PPL: variants seen among roughly 807,000 people sequenced by gnomAD.
PPL encodes the protein periplakin, also known as 190 kDa paraneoplastic pemphigus antigen.
PPL carries 198 observed loss-of-function variants against 194.4 expected under a neutral mutation model. The ratio of observed to expected loss-of-function variants is 1.02; its 90% confidence interval spans 0.91 to 1.15. The LOEUF is 1.15. PPL is among the 50% of genes most tolerant of loss of function. The pLI, the probability that PPL is intolerant of heterozygous loss-of-function variation, is 0.00. For synonymous variants in PPL, 1,220 were observed against 972.4 expected (o/e 1.25, Z -4.74); for missense variants, 2,885 against 2,294.8 (o/e 1.26, Z -5.25).
At chr16:4,903,642 C>T (rs933884342) in intron 3 of PPL, among the ~76,000 whole-genome samples, 4 of 151,960 alleles carry the variant, frequency 2.6e-5, no homozygotes, top group South Asian at 4.1e-4. Flanking sequence ...ATAGCTTGAA[C>T]TGGGGAGGCA....
At chr16:4,915,457 C>A (rs960967428) in intron 1 of PPL, among the ~76,000 whole-genome samples, 6 of 152,248 alleles carry the variant, frequency 3.9e-5, no homozygotes, top group African/African-American at 1.4e-4. Context: ...CAGACATATT[C>A]ACAGGCACCA....
chr16:4,891,073 C>G, intron 16 of PPL, 152 bp from the exon 17 acceptor site: 2 of 605,548 alleles, frequency 3.3e-6, no homozygotes, highest in Non-Finnish European at 2.8e-6. Context: ...ACATCCCAAA[C>G]CTGGGTCACT....
At chr16:4,913,508 G>C (rs1346752809) in intron 1 of PPL, among the ~76,000 whole-genome samples, 2 of 152,190 alleles carry the variant, frequency 1.3e-5, no homozygotes, top group African/African-American at 2.4e-5. Flanking sequence ...TGTGATTTTA[G>C]TTGTCAAGGA....
chr16:4,903,549 G>C (rs1260357698), intron 3 of PPL, among the ~76,000 whole-genome samples: 3 of 151,998 alleles, frequency 2.0e-5, no homozygotes, highest in Non-Finnish European at 4.4e-5. Flanking sequence ...GAGAAACCCT[G>C]TCTCTACTAA....
intron 16 of PPL, 38 bp from the exon 17 acceptor site, chr16:4,890,959 A>G (rs1327322988): frequency 4.1e-6 from 6 of 1,467,758 alleles, no homozygotes; most frequent in Non-Finnish European, 5.4e-6. Context: ...TGCTACGGCC[A>G]GAGCTCCCAG....
At chr16:4,892,987 C>A (rs370754120) in intron 14 of PPL, 5 of 500,252 alleles carry the variant, frequency 1.0e-5, no homozygotes, top group African/African-American at 5.9e-5. Context: ...ATCGACAAGC[C>A]GTGCAGGAAC....
chr16:4,896,776 C>A (rs1372737689), intron 9 of PPL, among the ~76,000 whole-genome samples: 1 of 151,540 alleles, frequency 6.6e-6, no homozygotes, highest in Admixed American at 6.6e-5. Context: ...TCTGGGACTA[C>A]AGATATGGGC....
intron 16 of PPL, among the ~76,000 whole-genome samples, chr16:4,891,288 G>C (rs1334149635): frequency 6.6e-6 from 1 of 152,126 alleles, no homozygotes; most frequent in African/African-American, 2.4e-5. Flanking sequence ...CAGGCAGTGT[G>C]GGAAGGGGGC....
intron 1 of PPL, among the ~76,000 whole-genome samples, chr16:4,913,350 C>G (rs1374758859): frequency 1.3e-5 from 2 of 152,174 alleles, no homozygotes; most frequent in Non-Finnish European, 2.9e-5. Context: ...GCTCCCTTGC[C>G]TATCTGTGCC....
intron 2 of PPL, among the ~76,000 whole-genome samples, chr16:4,908,939 C>A (rs1479973326): frequency 6.6e-6 from 1 of 152,206 alleles, no homozygotes; most frequent in East Asian, 1.9e-4. Context: ...AGACACACCC[C>A]CAAAAGATGT....
Position 4,903,926 on chromosome 16 carries a change from T to G in PPL, c.277A>C (p.Lys93Gln). The G allele has an allele frequency of 6.2e-7, 1 of 1,614,052 alleles. No homozygotes were observed. The highest frequency in any genetic ancestry group is 8.5e-7 in the Non-Finnish European group (1 of 1,180,028). Residue 93 changes from lysine (K) to glutamine (Q), a missense_variant, in exon 3 of 22, where the codon AAG (lysine) becomes CAG (glutamine). Coordinates refer to ENST00000345988, the MANE Select transcript of PPL (RefSeq NM_002705.5). Reference sequence around the variant, plus strand: ...TCCCCCTGTGGGTGCTTCATGTGCTTGGCAATGGCCGCATCCGCCTCTAGC... The same window carrying G: ...TCCCCCTGTGGGTGCTTCATGTGCTGGGCAATGGCCGCATCCGCCTCTAGC... Reference protein sequence around the residue: ...YVLEADAAIAKHMKHPQGDMI... With the variant: ...YVLEADAAIAQHMKHPQGDMI...
Position 4,883,897 on chromosome 16 carries a change from G to A in PPL, c.4758C>T (p.Ile1586=), listed in dbSNP as rs1320119435. The A allele has an allele frequency of 6.2e-7, 1 of 1,613,976 alleles. No homozygotes were observed. The highest frequency in any genetic ancestry group is 2.2e-5 in the East Asian group (1 of 44,882). The stretch of plus-strand genomic sequence containing the variant: ...CTCGTGTTTCCGTCGCTGCCATGTT[G>A]ATTTCCGATTGGAGCCTTCGGGTCT... ...QLETRRLQSE[I]NMAATETRDL... Residue 1586 remains isoleucine (I), a synonymous_variant, in exon 22 of 22, where the codon ATC becomes ATT. Transcript: ENST00000345988. The surrounding 1 kb of genome is among the most constrained non-coding windows in gnomAD (Gnocchi z 4.8).
rs780995234 is a variant in PPL, at chr16:4,885,026, C to G, written c.3629G>C (p.Arg1210Pro). 6.2e-6 allele frequency: 10 copies of G among 1,613,694 alleles called. No individual in the cohort carries two copies. The South Asian group carries it at 1.1e-4, about 18-fold the overall frequency. ...GGCCTCCAGCTCACTCTGGTAGCTC[C>G]GGAGCTGCTCCTCGGCACCCCGGTA... ...RKYRGAEEQL[R>P]SYQSELEALR... is the part of the protein sequence containing the mutation. Residue 1210 changes from arginine (R) to proline (P), a missense_variant, in exon 22 of 22, where the codon CGG becomes CCG. Coordinates refer to ENST00000345988, the MANE Select transcript of PPL (RefSeq NM_002705.5). The surrounding 1 kb of genome is among the most constrained non-coding windows in gnomAD (Gnocchi z 6.3).
chr16:4,934,524 G>A (rs1395885123), intron 1 of PPL, among the ~76,000 whole-genome samples: 2 of 152,106 alleles, frequency 1.3e-5, no homozygotes, highest in African/African-American at 2.4e-5. Flanking sequence ...GGAAAACAAG[G>A]CTTCGAGAGG....
Position 4,885,168 on chromosome 16 carries a change from C to T in PPL, c.3487G>A (p.Glu1163Lys), listed in dbSNP as rs747105776. Reference sequence around the variant, plus strand: ...TGCACCACCACTTTGGCGTTCTCCTCCTCCAAGGCCCATATCTTTCGGAGC... The same window carrying T: ...TGCACCACCACTTTGGCGTTCTCCTTCTCCAAGGCCCATATCTTTCGGAGC... ...ELLRKIWALE[E>K]ENAKVVVQEK... Residue 1163 changes from glutamate to lysine, a missense_variant, in exon 22 of 22, where the codon GAG (glutamate) becomes AAG (lysine). Coordinates refer to ENST00000345988, the MANE Select transcript of PPL (RefSeq NM_002705.5). The surrounding 1 kb of genome is among the most constrained non-coding windows in gnomAD (Gnocchi z 6.3). 5 of 1,614,140 alleles carry T rather than the reference C, an allele frequency of 3.1e-6. No homozygotes were observed. The highest frequency in any genetic ancestry group is 1.6e-4 in the Middle Eastern group (1 of 6,062).
At chr16:4,918,264 G>C (rs924030128) in intron 1 of PPL, among the ~76,000 whole-genome samples, 2 of 148,940 alleles carry the variant, frequency 1.3e-5, no homozygotes, top group African/African-American at 4.9e-5. Context: ...CTACACTCCA[G>C]CCTGGGCGAC....
chr16:4,934,769 T>G (rs1380738119), intron 1 of PPL, among the ~76,000 whole-genome samples: 6 of 151,732 alleles, frequency 4.0e-5, no homozygotes, highest in Non-Finnish European at 8.8e-5. Context: ...ACACTTGCTA[T>G]GGGGCTGGCT....
intron 1 of PPL, 98 bp from the exon 2 acceptor site, chr16:4,911,047 C>T (rs575929988): frequency 1.0e-6 from 1 of 966,570 alleles, no homozygotes; most frequent in Admixed American, 2.0e-5. Flanking sequence ...CGGCCCCACG[C>T]TCTGAGCAGG....
At chr16:4,923,378 G>C (rs149601120) in intron 1 of PPL, among the ~76,000 whole-genome samples, 2 of 152,318 alleles carry the variant, frequency 1.3e-5, no homozygotes, top group East Asian at 3.9e-4. Flanking sequence ...GGATGATCTG[G>C]TTGCATCATA....
Sources: gnomAD v4.1 joint callset for allele counts (sites outside exome capture counted in the v4.1 genomes callset) on GRCh38, gnomAD v4.1.1 for gene constraint, Gnocchi (gnomAD v3.1) non-coding constraint, MANE v1.5 for transcripts, NCBI Gene and HGNC (gene_info 2026-07-23, HGNC 2026-07-21) for gene names.